The following MAPK8 variants were observed in gnomAD, a reference collection of about 807,000 sequenced individuals.
MAPK8 encodes the protein mitogen-activated protein kinase 8, also known as JUN N-terminal kinase.
MAPK8 carries 13 observed loss-of-function variants against 52.9 expected under a neutral mutation model. The ratio of observed to expected loss-of-function variants is 0.25; its 90% CI spans 0.16 to 0.39. The LOEUF (loss-of-function observed/expected upper bound fraction) is 0.39, where lower values mean the gene tolerates loss of function less well. Among genes scored for constraint, MAPK8 ranks in the 10% least tolerant of loss-of-function variants. MAPK8 has a pLI of 1.00. For missense variants in MAPK8, 300 were observed against 519.2 expected (o/e 0.58, Z 4.10); for synonymous variants, 191 against 169.8 (o/e 1.12, Z -0.97).
intron 1 of MAPK8, among the ~76,000 whole-genome samples, chr10:48,334,023 A>G (rs2132274274): frequency 6.6e-6 from 1 of 152,246 alleles, no homozygotes; most frequent in South Asian, 2.1e-4. Flanking sequence ...TGGGGCTGGC[A>G]TTGGTGGACA....
intron 1 of MAPK8, among the ~76,000 whole-genome samples, chr10:48,372,191 T>C (rs1282362371): frequency 2.0e-5 from 3 of 152,008 alleles, no homozygotes; most frequent in African/African-American, 7.2e-5. Flanking sequence ...TTCAACCCTC[T>C]AATTATGATT....
rs145988405 is a variant in MAPK8 at position 48,414,373 on chromosome 10, G to A, written c.450+4205G>A. ...AGGTAATGCTGACATGAACATTTAT[G>A]TAAAATTTTTTTGTGTGTTGGTATG... On this transcript the variant is annotated intron_variant, in intron 5 of 11. Transcript: ENST00000374189. 2.3e-4 allele frequency among the ~76,000 whole-genome samples: 34 copies of A among 150,596 alleles called. No individual in the cohort carries two copies. In the East Asian group the frequency reaches 5.8e-3, roughly 26 times the overall value.
intron 1 of MAPK8, among the ~76,000 whole-genome samples, chr10:48,344,277 G>A (rs1845563570): frequency 6.6e-6 from 1 of 152,156 alleles, no homozygotes; most frequent in Non-Finnish European, 1.5e-5. Context: ...TTTTCTATAT[G>A]CATTTTTAAA....
At chr10:48,314,547 A>G (rs1044420594) in intron 1 of MAPK8, among the ~76,000 whole-genome samples, 1 of 152,280 alleles carries the variant, frequency 6.6e-6, no homozygotes, top group East Asian at 1.9e-4. Flanking sequence ...AATGCATAGG[A>G]TAAATTTCCA....
At chr10:48,391,509 C>T (rs1042224412) in intron 1 of MAPK8, among the ~76,000 whole-genome samples, 2 of 152,052 alleles carry the variant, frequency 1.3e-5, no homozygotes, top group Non-Finnish European at 2.9e-5. Context: ...TCCTTAATGC[C>T]CTTATCTTGG....
At chr10:48,396,244 C>T (rs908163792) in intron 1 of MAPK8, among the ~76,000 whole-genome samples, 14 of 152,040 alleles carry the variant, frequency 9.2e-5, no homozygotes, top group South Asian at 2.1e-4. Flanking sequence ...AGTCTCTAAA[C>T]TCAACAGTAG....
At chr10:48,401,303 CAT>C (rs1410335883) in intron 1 of MAPK8, among the ~76,000 whole-genome samples, 4 of 152,070 alleles carry the variant, frequency 2.6e-5, no homozygotes, top group South Asian at 2.1e-4. Flanking sequence ...GACGTAAAAA[CAT>C]GTTTAATTTT....
At chr10:48,320,360 C>G (rs1333407852) in intron 1 of MAPK8, among the ~76,000 whole-genome samples, 6 of 151,624 alleles carry the variant, frequency 4.0e-5, no homozygotes, top group Admixed American at 3.9e-4. Context: ...GCCTCAGCCT[C>G]TTGAGTAGCT....
At chr10:48,364,781 T>C (rs1165763076) in intron 1 of MAPK8, among the ~76,000 whole-genome samples, 3 of 152,184 alleles carry the variant, frequency 2.0e-5, no homozygotes, top group African/African-American at 4.8e-5. Context: ...GATACTTTCA[T>C]ATCCTAAAGA....
intron 1 of MAPK8, among the ~76,000 whole-genome samples, chr10:48,390,481 A>G (rs2041561132): frequency 1.3e-5 from 2 of 152,348 alleles, no homozygotes; most frequent in South Asian, 4.1e-4. Flanking sequence ...TGATGATTAC[A>G]GCTGTCTTAA....
At chr10:48,381,900 C>T (rs547597774) in intron 1 of MAPK8, among the ~76,000 whole-genome samples, 6 of 152,214 alleles carry the variant, frequency 3.9e-5, no homozygotes, top group South Asian at 2.1e-4. Context: ...CATACTGAGT[C>T]GCAACTACCC....
At chr10:48,316,267 GT>G (rs1457602274) in intron 1 of MAPK8, among the ~76,000 whole-genome samples, 1 of 152,174 alleles carries the variant, frequency 6.6e-6, no homozygotes, top group African/African-American at 2.4e-5. Context: ...TTCCCATTGT[GT>G]TACAGTTGCC....
intron 1 of MAPK8, among the ~76,000 whole-genome samples, chr10:48,361,520 C>T (rs1847522229): frequency 6.6e-6 from 1 of 152,130 alleles, no homozygotes; most frequent in African/African-American, 2.4e-5. Context: ...TTGAATGCTT[C>T]CCTGTTGCTT....
chr10:48,366,915 A>G (rs1217182951), intron 1 of MAPK8, among the ~76,000 whole-genome samples: 1 of 152,152 alleles, frequency 6.6e-6, no homozygotes, highest in African/African-American at 2.4e-5. Context: ...CCTCCCTGCT[A>G]CATAATCACC....
intron 1 of MAPK8, among the ~76,000 whole-genome samples, chr10:48,372,348 G>C: frequency 6.6e-6 from 1 of 152,052 alleles, no homozygotes; most frequent in East Asian, 1.9e-4. Flanking sequence ...CACCAGCAAG[G>C]CAACAAAACT....
intron 1 of MAPK8, among the ~76,000 whole-genome samples, chr10:48,370,417 T>A (rs1848436024): frequency 6.6e-6 from 1 of 152,150 alleles, no homozygotes. Context: ...GATTACATGC[T>A]TATGTTGTGC....
Position 48,434,955 on chromosome 10 carries a change from A to G in MAPK8, c.1210A>G (p.Thr404Ala), listed in dbSNP as rs1285833471. 2 of 1,611,838 alleles carry G rather than the reference A, an allele frequency of 1.2e-6. No individual in the cohort carries two copies. The highest frequency in any genetic ancestry group is 1.7e-6 in the Non-Finnish European group (2 of 1,179,162). ...SSVNDVSSMS[T>A]DPTLASDTDS... ...TGTCAATGATGTGTCTTCAATGTCA[A>G]CAGATCCGACTTTGGCCTCTGATAC... Residue 404 changes from threonine (T) to alanine (A), a missense_variant, in exon 12 of 12, where the codon ACA becomes GCA. Physicochemically the swap from Thr to Ala is moderately conservative, Grantham distance 58. Around this residue, in one of 3 missense-constraint regions of MAPK8, gnomAD observed 119 missense variants for 154.4 expected, o/e 0.77. Transcript: ENST00000374189.
At chr10:48,433,421 T>C (rs920608857) in intron 11 of MAPK8, among the ~76,000 whole-genome samples, 4 of 152,230 alleles carry the variant, frequency 2.6e-5, no homozygotes, top group African/African-American at 9.6e-5. Flanking sequence ...TATACCATAC[T>C]GTTCAGTCAG....
At chr10:48,421,083 G>A (rs920159347) in intron 6 of MAPK8, among the ~76,000 whole-genome samples, 1 of 152,174 alleles carries the variant, frequency 6.6e-6, no homozygotes, top group Non-Finnish European at 1.5e-5. Flanking sequence ...TTTAAAAAAT[G>A]TGGTGACTTC....
Sources: allele counts gnomAD v4.1 joint callset (sites outside exome capture counted in the v4.1 genomes callset), GRCh38; gene constraint gnomAD v4.1.1; regional missense constraint gnomAD v4.1.1; transcripts MANE v1.5; gene names NCBI Gene and HGNC (gene_info 2026-07-23, HGNC 2026-07-21).